SIRT1: variants seen among roughly 807,000 people sequenced by gnomAD.
SIRT1 encodes the protein sirtuin 1.
SIRT1 carries 24 observed loss-of-function variants against 67.9 expected under a neutral mutation model. The ratio of observed to expected loss-of-function variants is 0.35; its 90% CI spans 0.26 to 0.50. The LOEUF (loss-of-function observed/expected upper bound fraction) is 0.50. SIRT1 is among the 20% of genes least tolerant of loss of function. The pLI is 0.98. For missense variants in SIRT1, 873 were observed against 937.2 expected, an observed-to-expected ratio of 0.93 and a Z score of 0.89; for synonymous variants, 378 against 350.7, an observed-to-expected ratio of 1.08 and a Z score of -0.87.
At position 67,918,003 on chromosome 10, in the gene SIRT1, A is replaced by G. The variant is rs1360493154; in HGVS notation, c.*1410A>G. ...TTTGAAATATAGCTGTTCTTTATGC[A>G]TAAAACACCCAGCTAGGACCATTAC... is the stretch of plus-strand genomic sequence containing the variant. On this transcript the variant is annotated 3_prime_UTR_variant, in exon 9 of 9. Coordinates refer to ENST00000212015, the MANE Select transcript of SIRT1 (RefSeq NM_012238.5). The G allele has an allele frequency of 6.6e-6, 1 of 152,628 alleles. No individual in the cohort carries two copies. The highest frequency in any genetic ancestry group is 1.5e-5 in the Non-Finnish European group (1 of 68,034). 9.5% of individuals were successfully genotyped at this position (152,628 alleles called of 1,614,324 possible). A position where few individuals can be genotyped will look rare whatever the true frequency, so the allele number is the denominator to read the frequency against.
At chr10:67,916,171 A>AT in intron 8 of SIRT1, 94 bp from the exon 9 acceptor site, 1 of 1,106,242 alleles carries the variant, frequency 9.0e-7, no homozygotes, top group Non-Finnish European at 1.3e-6. Context: ...CACTTATAAT[A>AT]AAGGCAGAGC....
chr10:67,898,045 C>T (rs114437523), intron 4 of SIRT1, among the ~76,000 whole-genome samples: 2,794 of 138,304 alleles, frequency 0.02, 83 homozygotes, highest in African/African-American at 0.071. Context: ...CCACAGCGGG[C>T]GGTCAAAAGT....
chr10:67,898,674 A>G (rs1300143878), intron 4 of SIRT1, among the ~76,000 whole-genome samples: 1 of 152,164 alleles, frequency 6.6e-6, no homozygotes, highest in African/African-American at 2.4e-5. Context: ...CATTTTTAGC[A>G]TAAAATTTGG....
chr10:67,907,569 T>TA (rs1290381728), intron 5 of SIRT1, among the ~76,000 whole-genome samples: 3 of 152,084 alleles, frequency 2.0e-5, no homozygotes. Context: ...GTGACATCTT[T>TA]AGTTTATGAA....
In SIRT1 at chr10:67,908,178, C is replaced by A. The variant is rs1181637344; in HGVS notation, c.1170+53C>A. 9 of 1,479,300 alleles carry A rather than the reference C, an allele frequency of 6.1e-6. No homozygotes were observed. In the African/African-American group the frequency reaches 1.1e-4, roughly 18 times the overall value. 91.6% of individuals were successfully genotyped at this position (1,479,300 alleles called of 1,614,324 possible). On this transcript the variant is annotated intron_variant, in intron 6 of 8. Transcript: ENST00000212015. ...TGTTCATGTCTCTGAAGTATTTCTT[C>A]TTTTGCCTCAAAATCCTTTTTTACC... is the stretch of plus-strand genomic sequence containing the variant.
intron 7 of SIRT1, 76 bp from the exon 8 acceptor site, chr10:67,912,398 A>G (rs560729570): frequency 1.4e-4 from 181 of 1,331,446 alleles, no homozygotes; most frequent in Admixed American, 4.6e-4. Flanking sequence ...GGATTTTTGC[A>G]TAATGTATCT....
rs182880745 is a variant in SIRT1, at chr10:67,907,436, A to G, written c.1090+499A>G. ...CTTGAACCTGGGAGTTGGAGGTTGC[A>G]GCGAGCCAAGATTGCACCATTGCGC... On this transcript the variant is annotated intron_variant, in intron 5 of 8. Coordinates refer to ENST00000212015, the MANE Select transcript of SIRT1 (RefSeq NM_012238.5). Among the ~76,000 whole-genome samples, 34 of 150,112 alleles carry G rather than the reference A, an allele frequency of 2.3e-4. 1 individual carries two copies. The highest frequency in any genetic ancestry group is 8.1e-4 in the African/African-American group (33 of 40,908).
intron 4 of SIRT1, chr10:67,906,236 A>G (rs759863160): frequency 5.9e-5 from 90 of 1,530,394 alleles, no homozygotes; most frequent in Non-Finnish European, 7.2e-5. Context: ...ATTCATGAGC[A>G]ACTCTATACT....
chr10:67,897,681 A>G (rs1017916452), intron 4 of SIRT1, among the ~76,000 whole-genome samples: 1 of 151,836 alleles, frequency 6.6e-6, no homozygotes, highest in African/African-American at 2.4e-5. Flanking sequence ...AATTTTTAGT[A>G]GAGATGGGGT....
At chr10:67,902,593 A>G (rs576807841) in intron 4 of SIRT1, among the ~76,000 whole-genome samples, 1 of 152,326 alleles carries the variant, frequency 6.6e-6, no homozygotes, top group East Asian at 1.9e-4. Flanking sequence ...GTTTTGTGGA[A>G]TGAAAGAGAC....
chr10:67,888,698 G>C (rs1047022753), intron 2 of SIRT1, among the ~76,000 whole-genome samples, 184 bp from the exon 3 acceptor site: 1 of 152,024 alleles, frequency 6.6e-6, no homozygotes, highest in South Asian at 2.1e-4. Context: ...CTCTTCATTA[G>C]ATCTTCCTAA....
At chr10:67,897,270 C>A (rs1401527466) in intron 4 of SIRT1, among the ~76,000 whole-genome samples, 1 of 149,162 alleles carries the variant, frequency 6.7e-6, no homozygotes, top group Admixed American at 6.8e-5. Context: ...AGCTGTGGGG[C>A]CATTTCTGAA....
intron 2 of SIRT1, 61 bp from the exon 3 acceptor site, chr10:67,888,821 A>G (rs1264327398): frequency 9.1e-6 from 14 of 1,531,644 alleles, no homozygotes; most frequent in Non-Finnish European, 1.2e-5. Flanking sequence ...TACTTCAGAA[A>G]ATAAATGAGA....
At chr10:67,904,581 C>T (rs1011557048) in intron 4 of SIRT1, among the ~76,000 whole-genome samples, 3 of 152,148 alleles carry the variant, frequency 2.0e-5, no homozygotes, top group Non-Finnish European at 1.5e-5. Flanking sequence ...TGCAGTGGCT[C>T]ACGCCTGTAA....
At chr10:67,910,764 A>G (rs34347509) in intron 7 of SIRT1, among the ~76,000 whole-genome samples, 1,603 of 152,248 alleles carry the variant, frequency 0.011, 14 homozygotes, top group Non-Finnish European at 0.018. Context: ...TTAAATCCTT[A>G]TTACTCTCAG....
chr10:67,900,920 T>C (rs541389444), intron 4 of SIRT1, among the ~76,000 whole-genome samples: 2 of 152,340 alleles, frequency 1.3e-5, no homozygotes, highest in East Asian at 3.9e-4. Context: ...TTTATGGATA[T>C]ATAATAGTTG....
chr10:67,884,678 G>T lies in SIRT1; in HGVS notation c.-44G>T. ...GGCGCCAGTGCCGCGCGTCGAGCGG[G>T]AGCAGAGGAGGCGAGGGAGGAGGGC... On this transcript the variant is annotated 5_prime_UTR_variant, in exon 1 of 9. Transcript: ENST00000212015. 8.2e-7 allele frequency: 1 copy of T among 1,226,508 alleles called. No homozygotes were observed. The allele number at this position is 1,226,508 out of a possible 1,614,324, so 76.0% of individuals were successfully genotyped here.
In SIRT1 at chr10:67,892,132, G is replaced by C. The variant is rs775680385; in HGVS notation, c.942+578G>C. ...TGCAATAAGTGTAGAAGACATATTG[G>C]ATTTTAGAGATCCAGTATGGAAAAT... is the stretch of plus-strand genomic sequence containing the variant. On this transcript the variant is annotated intron_variant, in intron 4 of 8. Coordinates refer to ENST00000212015, the MANE Select transcript of SIRT1 (RefSeq NM_012238.5). Among the ~76,000 whole-genome samples the C allele has an allele frequency of 4.5e-4, 68 of 152,194 alleles. 1 individual carries two copies. Among genetic ancestry groups the C allele is most frequent in the Admixed American group, 1.6e-3 (25 of 15,278 alleles).
intron 2 of SIRT1, among the ~76,000 whole-genome samples, chr10:67,888,092 T>TA (rs35109927): frequency 1.3e-5 from 2 of 152,202 alleles, no homozygotes; most frequent in Non-Finnish European, 2.9e-5. Context: ...TTTCAGTGCC[T>TA]AAAAAAGTGC....
Sources: allele counts gnomAD v4.1 joint callset (sites outside exome capture counted in the v4.1 genomes callset), GRCh38; gene constraint gnomAD v4.1.1; transcripts MANE v1.5; gene names NCBI Gene and HGNC (gene_info 2026-07-23, HGNC 2026-07-21).